AFG2A: variants seen among roughly 807,000 people sequenced by gnomAD.
The protein encoded by AFG2A is AAA ATPase AFG2A, also known as ATPase family gene 2 protein homolog A.
the AFG2A span, among the ~76,000 whole-genome samples, chr4:122,970,690 A>G: frequency 4.7e-4 from 72 of 152,248 alleles, no homozygotes; most frequent in South Asian, 1.2e-3. Flanking sequence ...TATACCATAT[A>G]GCCTAGATGT....
chr4:123,296,724 T>C, the AFG2A span, among the ~76,000 whole-genome samples: 2 of 152,242 alleles, frequency 1.3e-5, no homozygotes, highest in Non-Finnish European at 2.9e-5. Context: ...CTGTTCTCTG[T>C]ACTGTTGTAT....
the AFG2A span, among the ~76,000 whole-genome samples, chr4:123,047,135 A>G: frequency 6.6e-6 from 1 of 152,284 alleles, no homozygotes; most frequent in Non-Finnish European, 1.5e-5. Flanking sequence ...GCTAGATCAT[A>G]TGGTAGTTCT....
chr4:123,001,999 T>G, the AFG2A span, among the ~76,000 whole-genome samples: 12 of 152,276 alleles, frequency 7.9e-5, no homozygotes, highest in Non-Finnish European at 1.2e-4. Flanking sequence ...TGTAATGGGT[T>G]CATATATATT....
At chr4:122,984,311 A>C in the AFG2A span, among the ~76,000 whole-genome samples, 1 of 152,102 alleles carries the variant, frequency 6.6e-6, no homozygotes, top group Non-Finnish European at 1.5e-5. Flanking sequence ...TGTATCTGGA[A>C]ACTTTGCTGA....
the AFG2A span, among the ~76,000 whole-genome samples, chr4:122,943,775 G>C: frequency 1.3e-5 from 2 of 152,132 alleles, no homozygotes; most frequent in African/African-American, 4.8e-5. Flanking sequence ...AGCTGGTACC[G>C]GTTGTTCTTT....
At chr4:123,201,297 C>A in the AFG2A span, among the ~76,000 whole-genome samples, 1 of 152,156 alleles carries the variant, frequency 6.6e-6, no homozygotes, top group Non-Finnish European at 1.5e-5. Flanking sequence ...GTCTTTATGG[C>A]TTAACTGTGT....
chr4:123,086,199 A>G, the AFG2A span, among the ~76,000 whole-genome samples: 1 of 152,084 alleles, frequency 6.6e-6, no homozygotes, highest in African/African-American at 2.4e-5. Flanking sequence ...AGAACTTTAA[A>G]CATTTCTTGC....
the AFG2A span, among the ~76,000 whole-genome samples, chr4:122,948,018 C>T: frequency 6.6e-6 from 1 of 152,060 alleles, no homozygotes. Flanking sequence ...GCATATAATG[C>T]ATATAAAAAA....
the AFG2A span, among the ~76,000 whole-genome samples, chr4:123,110,637 A>G: frequency 6.6e-6 from 1 of 152,166 alleles, no homozygotes; most frequent in Non-Finnish European, 1.5e-5. Flanking sequence ...CAGAAATATT[A>G]CTCTAAGATA....
chr4:123,090,217 T>G, the AFG2A span, among the ~76,000 whole-genome samples: 1 of 152,244 alleles, frequency 6.6e-6, no homozygotes, highest in Admixed American at 6.5e-5. Context: ...TTTATTCTAA[T>G]TTCTGTCAAC....
the AFG2A span, among the ~76,000 whole-genome samples, chr4:123,163,292 T>C: frequency 6.6e-6 from 1 of 152,102 alleles, no homozygotes; most frequent in Non-Finnish European, 1.5e-5. Context: ...AAAAATTAGC[T>C]GGGCATGGTG....
chr4:122,986,323 T>G, the AFG2A span, among the ~76,000 whole-genome samples: 1 of 152,186 alleles, frequency 6.6e-6, no homozygotes, highest in East Asian at 1.9e-4. Flanking sequence ...ATCCATGGTT[T>G]CTTTGTTGAC....
chr4:123,008,349 C>T, the AFG2A span, among the ~76,000 whole-genome samples: 1 of 152,168 alleles, frequency 6.6e-6, no homozygotes, highest in African/African-American at 2.4e-5. Flanking sequence ...GATCTGCTGC[C>T]ACAATCCAGA....
chr4:122,954,265 G>A, the AFG2A span, among the ~76,000 whole-genome samples: 6 of 152,188 alleles, frequency 3.9e-5, no homozygotes, highest in South Asian at 8.3e-4. Context: ...CTCCATCCCC[G>A]TGTCCCATAG....
At chr4:122,949,855 A>G in the AFG2A span, among the ~76,000 whole-genome samples, 1 of 152,342 alleles carries the variant, frequency 6.6e-6, no homozygotes, top group African/African-American at 2.4e-5. Context: ...AGTGGAGAGT[A>G]TGGTATGAAA....
chr4:122,980,821 G>T, the AFG2A span, among the ~76,000 whole-genome samples: 1 of 151,846 alleles, frequency 6.6e-6, no homozygotes, highest in Non-Finnish European at 1.5e-5. Flanking sequence ...CAGATCCTTT[G>T]CCCATTTTTA....
At chr4:123,159,522 A>G in the AFG2A span, among the ~76,000 whole-genome samples, 1,443 of 152,344 alleles carry the variant, frequency 9.5e-3, 33 homozygotes, top group African/African-American at 0.032. Flanking sequence ...GCATTTAAAA[A>G]ATGAAGAAAT....
At chr4:123,141,977 T>C in the AFG2A span, among the ~76,000 whole-genome samples, 1 of 152,216 alleles carries the variant, frequency 6.6e-6, no homozygotes, top group African/African-American at 2.4e-5. Flanking sequence ...TTAGGTTGAC[T>C]ATTTGAATTC....
chr4:123,108,971 G>A, the AFG2A span, among the ~76,000 whole-genome samples: 7 of 152,096 alleles, frequency 4.6e-5, no homozygotes, highest in South Asian at 1.5e-3. Flanking sequence ...CAGACTTAAT[G>A]TCTTTGAATT....
Sources: allele counts gnomAD v4.1 joint callset (sites outside exome capture counted in the v4.1 genomes callset), GRCh38; gene constraint gnomAD v4.1.1; transcripts MANE v1.5; gene names NCBI Gene and HGNC (gene_info 2026-07-23, HGNC 2026-07-21).